The following MYO1D variants were observed in gnomAD, a reference collection of about 807,000 sequenced individuals.
The protein encoded by MYO1D is myosin ID, also known as unconventional myosin-Id.
MYO1D carries 83 observed loss-of-function variants against 122.0 expected under a neutral mutation model. The ratio of observed to expected loss-of-function variants is 0.68; its 90% CI spans 0.57 to 0.82. The LOEUF is 0.82. MYO1D is among the 40% of genes least tolerant of loss of function. MYO1D has a pLI of 0.00. For missense variants in MYO1D, 1,157 were observed against 1,269.5 expected (o/e 0.91, Z 1.35); for synonymous variants, 464 against 446.9 (o/e 1.04, Z -0.48).
chr17:32,608,367 T>C (rs2087655826), intron 20 of MYO1D, among the ~76,000 whole-genome samples: 1 of 152,156 alleles, frequency 6.6e-6, no homozygotes, highest in Non-Finnish European at 1.5e-5. Context: ...AATAAGCACA[T>C]GAAAGGGTGC....
intron 21 of MYO1D, among the ~76,000 whole-genome samples, chr17:32,503,581 T>C (rs186445613): frequency 1.3e-5 from 2 of 152,334 alleles, no homozygotes; most frequent in African/African-American, 4.8e-5. Flanking sequence ...GCTAATGCAA[T>C]GTTCTCTCAA....
At chr17:32,665,807 C>T (rs1223420049) in intron 16 of MYO1D, among the ~76,000 whole-genome samples, 1 of 152,178 alleles carries the variant, frequency 6.6e-6, no homozygotes, top group African/African-American at 2.4e-5. Flanking sequence ...GGGAACTTCA[C>T]TACAGGGTGA....
rs778020486 is a variant in MYO1D, at chr17:32,778,602, C to A, written c.305-29G>T. On this transcript the variant is annotated intron_variant, in intron 2 of 21. Transcript: ENST00000318217. ...GGGGGAAAAATTGTTCAGGGCTTAA[C>A]ATAATAATTTAAACCAAGAGTAAGC... The A allele has an allele frequency of 1.5e-5, 23 of 1,563,540 alleles. No homozygotes were observed. In the South Asian group the frequency reaches 2.3e-4, roughly 16 times the overall value.
intron 1 of MYO1D, among the ~76,000 whole-genome samples, chr17:32,810,073 C>A (rs535553928): frequency 2.0e-4 from 30 of 152,194 alleles, no homozygotes; most frequent in African/African-American, 7.0e-4. Flanking sequence ...AGGAAGCAGC[C>A]AGGAGAATGA....
intron 16 of MYO1D, among the ~76,000 whole-genome samples, chr17:32,695,156 TG>T (rs916241599): frequency 7.6e-6 from 1 of 132,402 alleles, no homozygotes; most frequent in African/African-American, 2.9e-5. Context: ...ACCGGCATGG[TG>T]GGGGTGGGGG....
At chr17:32,826,610 C>T (rs1256311184) in intron 1 of MYO1D, among the ~76,000 whole-genome samples, 2 of 152,162 alleles carry the variant, frequency 1.3e-5, no homozygotes, top group East Asian at 1.9e-4. Flanking sequence ...ATACAGGTGA[C>T]ACCACACACC....
chr17:32,548,945 C>T (rs1020847953), intron 21 of MYO1D, among the ~76,000 whole-genome samples: 11 of 152,118 alleles, frequency 7.2e-5, no homozygotes, highest in Admixed American at 5.9e-4. Context: ...AATTCCTGAC[C>T]TCAAATGATC....
At chr17:32,548,667 G>A (rs1419086930) in intron 21 of MYO1D, among the ~76,000 whole-genome samples, 1 of 151,798 alleles carries the variant, frequency 6.6e-6, no homozygotes, top group Non-Finnish European at 1.5e-5. Flanking sequence ...GGGGAGACCT[G>A]ACTTCTTATT....
At chr17:32,597,801 G>T (rs757821117) in intron 21 of MYO1D, among the ~76,000 whole-genome samples, 51 of 150,594 alleles carry the variant, frequency 3.4e-4, no homozygotes, top group Non-Finnish European at 6.8e-4. Context: ...CTGGGAAGGT[G>T]GAGGTTGCAG....
intron 21 of MYO1D, among the ~76,000 whole-genome samples, chr17:32,502,494 C>T (rs1909349110): frequency 6.6e-6 from 1 of 152,044 alleles, no homozygotes; most frequent in Admixed American, 6.6e-5. Context: ...AGGTGATGGT[C>T]TTGTAACATT....
At chr17:32,837,635 T>A (rs2090840499) in intron 1 of MYO1D, among the ~76,000 whole-genome samples, 1 of 152,178 alleles carries the variant, frequency 6.6e-6, no homozygotes. Flanking sequence ...TGAATTAATG[T>A]ACACAACCAT....
chr17:32,510,830 T>C (rs1286386174), intron 21 of MYO1D: 1 of 152,178 alleles, frequency 6.6e-6, no homozygotes, highest in African/African-American at 2.4e-5. Context: ...TCTGTACTCT[T>C]TAAAGGCTGC....
Position 32,780,707 on chromosome 17 carries a change from T to C in MYO1D, c.173A>G (p.Tyr58Cys), listed in dbSNP as rs746142951. The change falls in exon 2 of 22, where the codon TAT (tyrosine) becomes TGT (cysteine). Residue 58 changes from tyrosine to cysteine, a missense_variant. Transcript: ENST00000318217. ...SVNPYKLLNI[Y>C]GRDTIEQYKG... ...ATACTGCTCAATTGTGTCTCTTCCA[T>C]AGATGTTCAACAACTTGTAAGGGTT... The C allele has an allele frequency of 2.5e-6, 4 of 1,614,166 alleles. No individual in the cohort carries two copies. The highest frequency in any genetic ancestry group is 2.2e-5 in the East Asian group (1 of 44,880).
intron 21 of MYO1D, among the ~76,000 whole-genome samples, chr17:32,585,509 C>T (rs1404535904): frequency 6.6e-6 from 1 of 152,102 alleles, no homozygotes. Context: ...GTGGGAGGAT[C>T]ACCTGAGGTC....
At chr17:32,761,317 T>C (rs1431980179) in intron 8 of MYO1D, among the ~76,000 whole-genome samples, 1 of 152,148 alleles carries the variant, frequency 6.6e-6, no homozygotes, top group Non-Finnish European at 1.5e-5. Flanking sequence ...CAGTCTCCAC[T>C]TACATCCTAT....
At chr17:32,856,656 T>A (rs2151084887) in intron 1 of MYO1D, among the ~76,000 whole-genome samples, 1 of 152,362 alleles carries the variant, frequency 6.6e-6, no homozygotes, top group Admixed American at 6.5e-5. Context: ...TCTCAACTTC[T>A]GTGATATCAG....
chr17:32,844,437 A>ATATATGTGTATATATAC (rs1411219066), intron 1 of MYO1D, among the ~76,000 whole-genome samples: 1 of 147,300 alleles, frequency 6.8e-6, no homozygotes, highest in South Asian at 2.1e-4. Context: ...TATAATATGT[A>ATATATGTGTATATATAC]TATATATAAT....
chr17:32,784,865 C>A (rs370905190), intron 1 of MYO1D, among the ~76,000 whole-genome samples: 1 of 152,004 alleles, frequency 6.6e-6, no homozygotes, highest in Non-Finnish European at 1.5e-5. Flanking sequence ...GTGGTTGGCC[C>A]AGTCAGAGTA....
At chr17:32,795,660 G>A (rs114478687) in intron 1 of MYO1D, among the ~76,000 whole-genome samples, 2,212 of 152,304 alleles carry the variant, frequency 0.015, 45 homozygotes, top group African/African-American at 0.048. Flanking sequence ...GAAAGCTTAA[G>A]GAGATGAATA....
Sources: gnomAD v4.1 joint callset for allele counts (sites outside exome capture counted in the v4.1 genomes callset) on GRCh38, gnomAD v4.1.1 for gene constraint, MANE v1.5 for transcripts, NCBI Gene and HGNC (gene_info 2026-07-23, HGNC 2026-07-21) for gene names.